ECPAS: variants seen among roughly 807,000 people sequenced by gnomAD.
ECPAS encodes Ecm29 proteasome adaptor and scaffold.
ECPAS carries 70 observed loss-of-function variants against 255.1 expected under a neutral mutation model. The observed-to-expected ratio is 0.27, with a 90% CI of 0.23 to 0.33. ECPAS has a LOEUF of 0.33. ECPAS is among the 10% of genes least tolerant of loss of function. ECPAS has a pLI of 1.00. For missense variants in ECPAS, 1,817 were observed against 2,206.4 expected, an observed-to-expected ratio of 0.82 and a Z score of 3.54; for synonymous variants, 784 against 775.0, an observed-to-expected ratio of 1.01 and a Z score of -0.19.
intron 31 of ECPAS, among the ~76,000 whole-genome samples, chr9:111,388,669 A>G (rs779478007): frequency 9.3e-5 from 14 of 151,282 alleles, no homozygotes; most frequent in Admixed American, 2.0e-4. Context: ...GGCAAAGAGG[A>G]AAAAAAAAGA....
chr9:111,396,145 C>T (rs999421999), intron 25 of ECPAS, among the ~76,000 whole-genome samples: 1 of 152,180 alleles, frequency 6.6e-6, no homozygotes, highest in Non-Finnish European at 1.5e-5. Context: ...AATTTCCTCA[C>T]TTGAGAGGAT....
At chr9:111,368,945 CAAT>C in intron 46 of ECPAS, 87 bp downstream of exon 46, 1 of 1,259,456 alleles carries the variant, frequency 7.9e-7, no homozygotes, top group Non-Finnish European at 1.1e-6. Flanking sequence ...CGATAAGAAA[CAAT>C]AACTATAATT....
chr9:111,457,928 T>C (rs2132000156), intron 2 of ECPAS, among the ~76,000 whole-genome samples: 1 of 152,336 alleles, frequency 6.6e-6, no homozygotes, highest in Non-Finnish European at 1.5e-5. Flanking sequence ...ATAAATGTGA[T>C]TTAGGAAAAT....
intron 3 of ECPAS, 29 bp from the exon 4 acceptor site, chr9:111,444,523 T>C: frequency 7.1e-7 from 1 of 1,405,510 alleles, no homozygotes; most frequent in Non-Finnish European, 1.0e-6. Flanking sequence ...GGAACTAAAG[T>C]TATTGATCAT....
chr9:111,445,918 A>C (rs2098252282), intron 3 of ECPAS, among the ~76,000 whole-genome samples: 1 of 152,148 alleles, frequency 6.6e-6, no homozygotes, highest in South Asian at 2.1e-4. Context: ...ATGAGTGAGA[A>C]GATGTGGTGT....
chr9:111,426,274 T>G (rs2098221433), intron 10 of ECPAS, among the ~76,000 whole-genome samples: 1 of 151,706 alleles, frequency 6.6e-6, no homozygotes, highest in South Asian at 2.1e-4. Context: ...TGCAGATGAG[T>G]CCTGTGCAGC....
intron 36 of ECPAS, 141 bp from the exon 37 acceptor site, chr9:111,376,682 A>C (rs1419321893): frequency 7.6e-6 from 5 of 657,272 alleles, no homozygotes; most frequent in Non-Finnish European, 1.3e-5. Context: ...GCAAACATCA[A>C]GTCTAACTCT....
intron 48 of ECPAS, among the ~76,000 whole-genome samples, chr9:111,363,947 A>G (rs2098117162): frequency 6.6e-6 from 1 of 152,210 alleles, no homozygotes; most frequent in Non-Finnish European, 1.5e-5. Flanking sequence ...GTGGGAGATG[A>G]AAAAACTATC....
intron 31 of ECPAS, among the ~76,000 whole-genome samples, chr9:111,389,001 G>C (rs961437638): frequency 3.9e-5 from 6 of 152,236 alleles, no homozygotes; most frequent in African/African-American, 1.4e-4. Context: ...GACCAAAAGT[G>C]TAAGGTTGGG....
chr9:111,440,518 T>G lies in ECPAS; in HGVS notation c.393A>C (p.Leu131Phe). 1 of 1,582,594 alleles carries G rather than the reference T, an allele frequency of 6.3e-7. No homozygotes were observed. Among genetic ancestry groups the G allele is most frequent in the Non-Finnish European group, 8.6e-7 (1 of 1,159,384 alleles). ...EGKPQPQQDS[L>F]MHLLIPTLFH... is the part of the protein sequence containing the mutation. ...AAAGGGTTGGTATTAAAAGATGCATTAAGCTGAAAAAACAATTACATTTAT... is the reference window on the plus strand; with the variant it reads ...AAAGGGTTGGTATTAAAAGATGCATGAAGCTGAAAAAACAATTACATTTAT... Residue 131 changes from leucine (L) to phenylalanine (F), a missense_variant, in exon 6 of 50, where the codon TTA becomes TTC. This residue lies in a region of ECPAS where 573 missense variants were observed against 716.2 expected (regional missense o/e 0.80). Transcript: ENST00000684092.
chr9:111,378,959 A>G (rs1283586523), intron 35 of ECPAS, among the ~76,000 whole-genome samples: 1 of 152,252 alleles, frequency 6.6e-6, no homozygotes. Context: ...CTTCATTAAT[A>G]GTAGGAATGA....
Position 111,484,118 on chromosome 9 carries a change from G to C in ECPAS, c.-85C>G. On this transcript the variant is annotated splice_region_variant and 5_prime_UTR_variant, in exon 1 of 50. It introduces an in-frame stop codon into an upstream open reading frame of the 5' UTR. Transcript: ENST00000684092. ...CGGCCCGGGGGCGGGCCTCTGACCTGAGTCGGAGCCGGTCTCCATGCCGCG... is the reference window on the plus strand; with the variant it reads ...CGGCCCGGGGGCGGGCCTCTGACCTCAGTCGGAGCCGGTCTCCATGCCGCG... The C allele has an allele frequency of 6.9e-7, 1 of 1,444,384 alleles. No individual in the cohort carries two copies. The highest frequency in any genetic ancestry group is 9.1e-7 in the Non-Finnish European group (1 of 1,100,192). The allele number at this position is 1,444,384 out of a possible 1,614,324, so 89.5% of individuals were successfully genotyped here. A position where few individuals can be genotyped will look rare whatever the true frequency, so the allele number is the denominator to read the frequency against.
Position 111,440,289 on chromosome 9 carries a change from G to A in ECPAS, c.539+83C>T. The A allele has an allele frequency of 3.2e-6, 4 of 1,245,056 alleles. No individual in the cohort carries two copies. In the East Asian group the frequency reaches 7.2e-5, roughly 22 times the overall value. The allele number at this position is 1,245,056 out of a possible 1,614,324, so 77.1% of individuals were successfully genotyped here. ...TGTTGAGATGCATTCATTTACTAGTGAGAGTTTAATCATTTAAAATAGTAC... is the reference window on the plus strand; with the variant it reads ...TGTTGAGATGCATTCATTTACTAGTAAGAGTTTAATCATTTAAAATAGTAC... On this transcript the variant is annotated intron_variant, in intron 6 of 49. Coordinates refer to ENST00000684092, the MANE Select transcript of ECPAS (RefSeq NM_001364929.1).
At chr9:111,466,491 G>C (rs1401381076) in intron 2 of ECPAS, among the ~76,000 whole-genome samples, 1 of 151,732 alleles carries the variant, frequency 6.6e-6, no homozygotes, top group East Asian at 1.9e-4. Context: ...TGATCTCAAA[G>C]GAAAAGTATC....
At chr9:111,370,398 A>C in intron 45 of ECPAS, 37 bp downstream of exon 45, 1 of 1,379,458 alleles carries the variant, frequency 7.2e-7, no homozygotes, top group Non-Finnish European at 9.8e-7. Context: ...TTTCTTTTTA[A>C]AGTATAAACC....
intron 6 of ECPAS, among the ~76,000 whole-genome samples, chr9:111,439,056 C>T (rs1420142151): frequency 1.3e-5 from 2 of 152,178 alleles, no homozygotes; most frequent in Non-Finnish European, 2.9e-5. Context: ...ACCAAAGCTA[C>T]ATGAAATAGG....
At chr9:111,396,468 G>A (rs1338195051) in intron 25 of ECPAS, among the ~76,000 whole-genome samples, 2 of 152,172 alleles carry the variant, frequency 1.3e-5, no homozygotes, top group African/African-American at 4.8e-5. Flanking sequence ...CGTGAAAAGA[G>A]CACAAGCTTC....
chr9:111,392,145 C>T (rs893112137), intron 28 of ECPAS, among the ~76,000 whole-genome samples: 1 of 151,964 alleles, frequency 6.6e-6, no homozygotes. Flanking sequence ...GAGGCTGAGG[C>T]GGGAGAGTCA....
rs552203922 is a variant in ECPAS at position 111,414,256 on chromosome 9, C to T, written c.1987+173G>A. Among the ~76,000 whole-genome samples the T allele has an allele frequency of 1.6e-3, 238 of 151,854 alleles. No homozygotes were observed. Among genetic ancestry groups the T allele is most frequent in the Non-Finnish European group, 2.6e-3 (179 of 67,958 alleles). On this transcript the variant is annotated intron_variant, in intron 19 of 49. Transcript: ENST00000684092. ...TTTATCTATTGTTAGCATTTCTTTC[C>T]GAAAAAAGAAGTAGTGTATCCAGAA...
Sources: gnomAD v4.1 joint callset for allele counts (sites outside exome capture counted in the v4.1 genomes callset) on GRCh38, gnomAD v4.1.1 for gene constraint, gnomAD v4.1.1 regional missense constraint, MANE v1.5 for transcripts, NCBI Gene and HGNC (gene_info 2026-07-23, HGNC 2026-07-21) for gene names.